DMD: variants seen among roughly 807,000 people sequenced by gnomAD.
DMD encodes dystrophin, also known as mutant dystrophin.
A neutral mutation model predicts 330.1 loss-of-function variants in DMD; 63 were observed. The ratio of observed to expected loss-of-function variants is 0.19; its 90% CI spans 0.16 to 0.24. The LOEUF (loss-of-function observed/expected upper bound fraction) is 0.24, where lower values mean the gene tolerates loss of function less well. Among genes scored for constraint, DMD ranks in the 10% least tolerant of loss-of-function variants. DMD has a pLI of 1.00. For missense variants in DMD, 3,344 were observed against 2,684.1 expected (o/e 1.25, Z -5.43); for synonymous variants, 1,223 against 959.8 (o/e 1.27, Z -5.07).
At chrX:33,023,391 A>G (rs2093949189) in intron 1 of DMD, among the ~76,000 whole-genome samples, 1 of 111,556 alleles carries the variant, frequency 9.0e-6, no homozygotes, top group African/African-American at 3.3e-5. Flanking sequence ...AAATATCTTT[A>G]TAATACTTTC....
chrX:32,420,298 G>A (rs1423524986), intron 29 of DMD, among the ~76,000 whole-genome samples: 1 of 112,058 alleles, frequency 8.9e-6, no homozygotes, highest in Non-Finnish European at 1.9e-5. Flanking sequence ...AGATTCTAGG[G>A]ATGACTTGGT....
intron 1 of DMD, among the ~76,000 whole-genome samples, chrX:33,264,370 AT>A (rs1262413096): frequency 9.0e-6 from 1 of 111,550 alleles, no homozygotes; most frequent in Non-Finnish European, 1.9e-5. Context: ...GATTAGAAAG[AT>A]GTGTTCTAAT....
chrX:31,437,339 T>A (rs1001038468), intron 60 of DMD, among the ~76,000 whole-genome samples: 11 of 111,709 alleles, frequency 9.8e-5, no homozygotes, highest in African/African-American at 3.6e-4. Context: ...AACTCTATCA[T>A]CTGTAGTTTG....
Position 32,408,896 on chromosome X carries a change from CTAT to C in DMD, c.4233+2853_4233+2855del, listed in dbSNP as rs1569561557. 5.0e-3 allele frequency among the ~76,000 whole-genome samples: 545 copies of C among 108,655 alleles called. 4 individuals carry two copies. The highest frequency in any genetic ancestry group is 0.017 in the African/African-American group (504 of 29,729). 94.4% of individuals were successfully genotyped at this position (108,655 alleles called of 115,157 possible). A position where few individuals can be genotyped will look rare whatever the true frequency, so the allele number is the denominator to read the frequency against. ...TCTATCTATCTATCTATCTATCTAT[CTAT>C]CTATCTATCTATCCATCCATCAATC... is the stretch of plus-strand genomic sequence containing the variant. On this transcript the variant is annotated intron_variant, in intron 30 of 78. Coordinates refer to ENST00000357033, the MANE Select transcript of DMD (RefSeq NM_004006.3).
intron 9 of DMD, among the ~76,000 whole-genome samples, chrX:32,663,386 G>A (rs977987182): frequency 4.5e-5 from 5 of 111,121 alleles, no homozygotes; most frequent in African/African-American, 1.3e-4. Flanking sequence ...CTATCTACTG[G>A]CAATTGAACA....
At chrX:32,113,956 T>G (rs1603626090) in intron 44 of DMD, among the ~76,000 whole-genome samples, 1 of 40,795 alleles carries the variant, frequency 2.5e-5, no homozygotes, top group South Asian at 8.4e-4. Context: ...TATTTTCTTG[T>G]TTTTTTTCTG....
intron 13 of DMD, among the ~76,000 whole-genome samples, chrX:32,588,397 G>C (rs1160026366): frequency 8.9e-6 from 1 of 111,840 alleles, no homozygotes; most frequent in Non-Finnish European, 1.9e-5. Flanking sequence ...ATCTTATGAA[G>C]CAGAGTCGTC....
rs1477561306 is a variant in DMD, at chrX:31,119,934, G to GAAC, written c.*1982_*1984dup. 1 of 111,489 alleles carries GAAC rather than the reference G, an allele frequency of 9.0e-6. No homozygotes were observed. The highest frequency in any genetic ancestry group is 3.3e-5 in the African/African-American group (1 of 30,518). 9.2% of individuals were successfully genotyped at this position (111,489 alleles called of 1,213,427 possible). ...CGCAATGGACAAGTGGTGAAGCTGT[G>GAAC]AACTCAGGTGTGCACAATTATCAGG... On this transcript the variant is annotated 3_prime_UTR_variant, in exon 79 of 79. Transcript: ENST00000357033.
intron 76 of DMD, among the ~76,000 whole-genome samples, chrX:31,138,096 G>A (rs1257531813): frequency 1.8e-5 from 2 of 111,769 alleles, no homozygotes; most frequent in Non-Finnish European, 3.8e-5. Context: ...AAGCGGGCAT[G>A]ACAAAAGTAG....
chrX:33,042,392 C>A lies in DMD; in HGVS notation c.32-22192G>T, dbSNP rs2094316365. On this transcript the variant is annotated intron_variant, in intron 1 of 78. Transcript: ENST00000357033. ...CCTAAAATGCAACACAAAAGACGAG[C>A]AGATGATTTCAGCCATTCCAATTTG... Among the ~76,000 whole-genome samples, 7 of 112,128 alleles carry A rather than the reference C, an allele frequency of 6.2e-5. No individual in the cohort carries two copies. In the South Asian group the frequency reaches 2.6e-3, roughly 42 times the overall value.
chrX:33,224,945 T>G (rs2052258633), intron 1 of DMD, among the ~76,000 whole-genome samples: 1 of 111,653 alleles, frequency 9.0e-6, no homozygotes, highest in African/African-American at 3.3e-5. Flanking sequence ...ACATGGAAAT[T>G]TAAAATATAG....
At chrX:32,663,076 CA>C (rs901619943) in intron 9 of DMD, among the ~76,000 whole-genome samples, 7 of 111,601 alleles carry the variant, frequency 6.3e-5, no homozygotes, top group African/African-American at 2.0e-4. Flanking sequence ...AATGTGAAGA[CA>C]AAAACTGAAA....
rs990402588 is a variant in DMD, at chrX:33,107,312, C to T, written c.32-87112G>A. ...CGGCAACAAGAGCGAAGCTCTGTCCCCCCCCCCCCCCCAACACACACAAAA... is the reference window on the plus strand; with the variant it reads ...CGGCAACAAGAGCGAAGCTCTGTCCTCCCCCCCCCCCCAACACACACAAAA... On this transcript the variant is annotated intron_variant, in intron 1 of 78. Transcript: ENST00000357033. 4.9e-5 allele frequency among the ~76,000 whole-genome samples: 2 copies of T among 40,460 alleles called. 1 individual carries two copies. Among genetic ancestry groups the T allele is most frequent in the Non-Finnish European group, 8.5e-5 (2 of 23,590 alleles). 35.1% of individuals were successfully genotyped at this position (40,460 alleles called of 115,157 possible).
At position 32,684,998 on chromosome X, in the gene DMD, T is replaced by C. The variant is rs150599012; in HGVS notation, c.960+12872A>G. Among the ~76,000 whole-genome samples, 992 of 111,952 alleles carry C rather than the reference T, an allele frequency of 8.9e-3. 8 individuals are homozygous for C. The highest frequency in any genetic ancestry group is 0.031 in the African/African-American group (943 of 30,894). On this transcript the variant is annotated intron_variant, in intron 9 of 78. Transcript: ENST00000357033. ...ATACTAAATTCCTTTATTGACTCCA[T>C]AAATAATTAACTATAATCATGCTCT...
intron 45 of DMD, among the ~76,000 whole-genome samples, chrX:31,936,717 C>T (rs1475939900): frequency 1.8e-5 from 2 of 111,031 alleles, no homozygotes; most frequent in African/African-American, 6.5e-5. Context: ...AAAATTGTGG[C>T]CATTTTACCA....
chrX:32,365,603 A>G (rs1011449546), intron 34 of DMD, among the ~76,000 whole-genome samples: 1 of 111,447 alleles, frequency 9.0e-6, no homozygotes, highest in Non-Finnish European at 1.9e-5. Context: ...TTAGCCTTTT[A>G]GTGCCATGGA....
chrX:31,672,925 T>C (rs1293411621), intron 53 of DMD, among the ~76,000 whole-genome samples: 1 of 112,363 alleles, frequency 8.9e-6, no homozygotes, highest in Non-Finnish European at 1.9e-5. Flanking sequence ...GAACCTGTTA[T>C]GTTAAAGAAT....
rs1246884972 is a variant in DMD at position 31,444,578 on chromosome X, T to C, written c.8987A>G (p.Asn2996Ser). The C allele has an allele frequency of 8.3e-7, 1 of 1,211,708 alleles. No individual in the cohort carries two copies. The highest frequency in any genetic ancestry group is 2.2e-5 in the Admixed American group (1 of 46,007). The change falls in exon 60 of 79, where the codon AAT becomes AGT. Residue 2996 changes from asparagine (N) to serine (S), a missense_variant. Asn to Ser is a conservative substitution (Grantham distance 46, BLOSUM62 1). Coordinates refer to ENST00000357033, the MANE Select transcript of DMD (RefSeq NM_004006.3). ...AGTGGTAAGCTGGCGAGCAAGGTCA[T>C]TGACGTGGCTCACGTTCTCTTTCAG... ...APLKENVSHV[N>S]DLARQLTTLG...
intron 44 of DMD, among the ~76,000 whole-genome samples, chrX:32,062,981 T>TA (rs892593210): frequency 3.6e-5 from 4 of 111,112 alleles, no homozygotes; most frequent in Non-Finnish European, 7.6e-5. Flanking sequence ...CTGAGTTTTT[T>TA]AAAAAAATTA....
Sources: allele counts gnomAD v4.1 joint callset (sites outside exome capture counted in the v4.1 genomes callset), GRCh38; gene constraint gnomAD v4.1.1; transcripts MANE v1.5; gene names NCBI Gene and HGNC (gene_info 2026-07-23, HGNC 2026-07-21).